The following KAT6A variants were observed in gnomAD, a reference collection of about 807,000 sequenced individuals.
KAT6A encodes the protein lysine acetyltransferase 6A, also known as histone acetyltransferase KAT6A.
Under a neutral mutation model 198.4 loss-of-function variants are expected in KAT6A, and 9 were observed. The ratio of observed to expected loss-of-function variants is 0.05; its 90% CI spans 0.03 to 0.08. The LOEUF is 0.08. Among genes scored for constraint, KAT6A ranks in the 10% least tolerant of loss-of-function variants. The pLI is 1.00. For synonymous variants in KAT6A, 890 were observed against 883.0 expected, an observed-to-expected ratio of 1.01 and a Z score of -0.14; for missense variants, 2,077 against 2,509.9, an observed-to-expected ratio of 0.83 and a Z score of 3.69.
At position 41,929,577 on chromosome 8, in the gene KAT6A, G is replaced by T. The variant is rs147476663; in HGVS notation, c.*2628C>A. ...GGGGAAAAAAAGGTATTACATACAA[G>T]GAGAGGAAGGGAGGCCGGCTGGCCC... On this transcript the variant is annotated 3_prime_UTR_variant, in exon 17 of 17. Transcript: ENST00000265713. 52 of 190,878 alleles carry T rather than the reference G, an allele frequency of 2.7e-4. No individual in the cohort carries two copies. Among genetic ancestry groups the T allele is most frequent in the African/African-American group, 1.2e-3 (50 of 43,012 alleles). The allele number at this position is 190,878 out of a possible 1,614,324, so 11.8% of individuals were successfully genotyped here.
At chr8:41,954,539 T>C (rs1822834858) in intron 9 of KAT6A, among the ~76,000 whole-genome samples, 1 of 147,320 alleles carries the variant, frequency 6.8e-6, no homozygotes, top group Non-Finnish European at 1.5e-5. Context: ...AATTTTTTGA[T>C]CTCATTTCAT....
chr8:42,027,891 A>G (rs1826910800), intron 2 of KAT6A, among the ~76,000 whole-genome samples: 1 of 151,864 alleles, frequency 6.6e-6, no homozygotes, highest in South Asian at 2.1e-4. Flanking sequence ...ATATCTTTCT[A>G]CTTTTTTAAT....
At chr8:42,031,040 G>A (rs1486025794) in intron 2 of KAT6A, among the ~76,000 whole-genome samples, 13 of 131,290 alleles carry the variant, frequency 9.9e-5, no homozygotes, top group African/African-American at 3.2e-4. Context: ...AAAAAAAAAG[G>A]GGGGGGGGAC....
At chr8:41,970,927 A>G (rs1386434926) in intron 8 of KAT6A, among the ~76,000 whole-genome samples, 4 of 152,184 alleles carry the variant, frequency 2.6e-5, no homozygotes, top group Admixed American at 6.5e-5. Context: ...TTGTAGGGAC[A>G]TGGATGAAGC....
intron 11 of KAT6A, among the ~76,000 whole-genome samples, 156 bp from the exon 12 acceptor site, chr8:41,946,840 T>C (rs761241344): frequency 2.6e-5 from 4 of 152,084 alleles, no homozygotes; most frequent in South Asian, 2.1e-4. Flanking sequence ...TGGGAGAAGA[T>C]AGGATAATGT....
intron 2 of KAT6A, among the ~76,000 whole-genome samples, chr8:42,001,279 A>C (rs1825484091): frequency 6.6e-6 from 1 of 152,248 alleles, no homozygotes; most frequent in Non-Finnish European, 1.5e-5. Flanking sequence ...GAACCAAAGC[A>C]GGTTCCTAAA....
rs1821759385 is a variant in KAT6A at position 41,934,643 on chromosome 8, CGAT to C, written c.3574_3576del (p.Ile1192del). 2.5e-6 allele frequency: 4 copies of C among 1,614,094 alleles called. No homozygotes were observed. The highest frequency in any genetic ancestry group is 3.4e-6 in the Non-Finnish European group (4 of 1,180,040). ...TTACGTCCAGCTTTAGGAATGGAAACGATGGGCTCAATGACGCATGCTTGAGTA... is the reference window on the plus strand; with the variant it reads ...TTACGTCCAGCTTTAGGAATGGAAACGGGCTCAATGACGCATGCTTGAGTA... On this transcript the variant is annotated inframe_deletion, in exon 17 of 17. Transcript: ENST00000265713.
chr8:41,963,406 C>T (rs1272018417), intron 8 of KAT6A, among the ~76,000 whole-genome samples: 1 of 152,104 alleles, frequency 6.6e-6, no homozygotes, highest in Non-Finnish European at 1.5e-5. Flanking sequence ...TCCTATATTC[C>T]TACATGTAAT....
intron 8 of KAT6A, among the ~76,000 whole-genome samples, chr8:41,962,446 CTCCCTGCTT>C: frequency 6.6e-6 from 1 of 152,306 alleles, no homozygotes; most frequent in Admixed American, 6.5e-5. Context: ...TCGTCTCGGA[CTCCCTGCTT>C]TCACAATGCA....
intron 2 of KAT6A, among the ~76,000 whole-genome samples, chr8:42,007,787 C>T (rs1288931186): frequency 2.0e-5 from 3 of 151,528 alleles, no homozygotes; most frequent in Non-Finnish European, 4.4e-5. Context: ...ATGGTGAAAC[C>T]CCGTCTCTAC....
intron 2 of KAT6A, among the ~76,000 whole-genome samples, chr8:42,040,735 C>CAAAAAAAAAAAAAA (rs59959496): frequency 7.3e-5 from 4 of 54,666 alleles, no homozygotes; most frequent in African/African-American, 7.6e-5. Context: ...GACTCTGTCT[C>CAAAAAAAAAAAAAA]AAAAAAAAAA....
rs760429203 is a variant in KAT6A at position 42,048,954 on chromosome 8, A to C, written c.24T>G (p.Leu8=). 6.8e-6 allele frequency: 11 copies of C among 1,613,232 alleles called. No individual in the cohort carries two copies. Among genetic ancestry groups the C allele is most frequent in the Non-Finnish European group, 9.3e-6 (11 of 1,179,694 alleles). MVKLANP[L]YTEWILEAIK... The stretch of plus-strand genomic sequence containing the variant: ...TGGCCTCCAAAATCCACTCAGTATA[A>C]AGCGGGTTTGCGAGTTTTACCATGG... The change falls in exon 2 of 17, where the codon CTT becomes CTG. Residue 8 remains leucine, a synonymous_variant. Transcript: ENST00000265713.
intron 2 of KAT6A, among the ~76,000 whole-genome samples, chr8:42,020,571 T>A (rs1349223590): frequency 1.3e-5 from 2 of 152,140 alleles, no homozygotes; most frequent in African/African-American, 4.8e-5. Flanking sequence ...CCTAGCATAG[T>A]GTCAGGGACA....
At position 41,933,999 on chromosome 8, in the gene KAT6A, G is replaced by A. The variant is rs779869280; in HGVS notation, c.4221C>T (p.Ile1407=). ...EEDSHTKEEL[I]ELKEEEEIPH... ...GAATCTCTTCCTCCTCTTTTAATTC[G>A]ATTAACTCTTCCTTAGTGTGGGAGT... Residue 1407 remains isoleucine, a synonymous_variant, in exon 17 of 17, where the codon ATC becomes ATT. Coordinates refer to ENST00000265713, the MANE Select transcript of KAT6A (RefSeq NM_006766.5). The surrounding 1 kb of genome is among the most constrained non-coding windows in gnomAD (Gnocchi z 6.2). 18 of 1,613,780 alleles carry A rather than the reference G, an allele frequency of 1.1e-5. No homozygotes were observed. Among genetic ancestry groups the A allele is most frequent in the East Asian group, 2.2e-5 (1 of 44,866 alleles).
In KAT6A at chr8:41,987,557, C is replaced by A; in HGVS notation, c.607G>T (p.Ala203Ser). The A allele has an allele frequency of 6.2e-7, 1 of 1,600,380 alleles. No homozygotes were observed. Among genetic ancestry groups the A allele is most frequent in the Non-Finnish European group, 8.6e-7 (1 of 1,168,184 alleles). The change falls in exon 3 of 17, where the codon GCT becomes TCT. Residue 203 changes from alanine to serine, a missense_variant. This residue lies in a region of KAT6A where 185 missense variants were observed against 185.7 expected (regional missense o/e 1.00). Transcript: ENST00000265713. ...AAACTACAGATGGGGATTGGTTCAG[C>A]AACCGGCTGTGAAGAAAAACACAAT... ...LLPHEKDKPV[A>S]EPIPICSFCL...
chr8:41,946,592 G>T lies in KAT6A; in HGVS notation c.1995C>A (p.Phe665Leu). The change falls in exon 12 of 17, where the codon TTC (phenylalanine) becomes TTA (leucine). Residue 665 changes from phenylalanine (F) to leucine (L), a missense_variant and splice_region_variant. Around this residue, in one of 13 missense-constraint regions of KAT6A, gnomAD observed 127 missense variants for 209.6 expected, o/e 0.61. Coordinates refer to ENST00000265713, the MANE Select transcript of KAT6A (RefSeq NM_006766.5). The stretch of plus-strand genomic sequence containing the variant: ...ATGAGAAATTAATATAATCCTTACT[G>T]AAATCGATGAGAAACCTGCCATAGC... Reference protein sequence around the residue: ...RKGYGRFLIDFSYLLSKREGQ... With the variant: ...RKGYGRFLIDLSYLLSKREGQ... The T allele has an allele frequency of 6.6e-7, 1 of 1,522,630 alleles. No individual in the cohort carries two copies. The highest frequency in any genetic ancestry group is 9.1e-7 in the Non-Finnish European group (1 of 1,098,224). 94.3% of individuals were successfully genotyped at this position (1,522,630 alleles called of 1,614,324 possible).
intron 2 of KAT6A, among the ~76,000 whole-genome samples, chr8:42,032,640 T>A (rs1216391394): frequency 6.6e-6 from 1 of 152,118 alleles, no homozygotes; most frequent in East Asian, 1.9e-4. Context: ...AAGCAAATAT[T>A]CAGTAGCAAA....
rs780436495 is a variant in KAT6A at position 41,933,825 on chromosome 8, G to T, written c.4395C>A (p.Asp1465Glu). ...AGTCTTCAACCATGGACATCTGAGG[G>T]TCCTCGTCAGCCTGGGTGTAACTCT... ...TLQSYTQADE[D>E]PQMSMVEDCH... The change falls in exon 17 of 17, where the codon GAC becomes GAA. Residue 1465 changes from aspartate to glutamate, a missense_variant. Physicochemically the swap from Asp to Glu is conservative, Grantham distance 45. This residue lies in a region of KAT6A where 178 missense variants were observed against 220.8 expected (regional missense o/e 0.81). Transcript: ENST00000265713. The surrounding 1 kb of genome is among the most constrained non-coding windows in gnomAD (Gnocchi z 6.2). 2.8e-5 allele frequency: 45 copies of T among 1,613,960 alleles called. No individual in the cohort carries two copies. The highest frequency in any genetic ancestry group is 3.6e-5 in the Non-Finnish European group (43 of 1,180,010).
At chr8:42,025,303 C>A (rs956321923) in intron 2 of KAT6A, among the ~76,000 whole-genome samples, 3 of 152,062 alleles carry the variant, frequency 2.0e-5, no homozygotes, top group Non-Finnish European at 4.4e-5. Flanking sequence ...CCTCCACCTC[C>A]CAGGTTCAAG....
Sources: allele counts gnomAD v4.1 joint callset (sites outside exome capture counted in the v4.1 genomes callset), GRCh38; gene constraint gnomAD v4.1.1; regional missense constraint gnomAD v4.1.1; non-coding constraint Gnocchi (gnomAD v3.1); transcripts MANE v1.5; gene names NCBI Gene and HGNC (gene_info 2026-07-23, HGNC 2026-07-21).